TNIK: variants seen among roughly 807,000 people sequenced by gnomAD.
TNIK encodes TRAF2 and NCK interacting kinase.
A neutral mutation model predicts 191.3 loss-of-function variants in TNIK; 49 were observed. The observed-to-expected ratio is 0.26, with a 90% CI of 0.20 to 0.32. The LOEUF (loss-of-function observed/expected upper bound fraction) is 0.32. Ranked by LOEUF, TNIK falls within the 10% of genes least tolerant of loss-of-function variation. The pLI is 1.00. For missense variants in TNIK, 1,155 were observed against 1,702.3 expected (o/e 0.68, Z 5.66); for synonymous variants, 594 against 600.9 (o/e 0.99, Z 0.17).
chr3:171,307,322 C>T (rs1009580015), intron 2 of TNIK, among the ~76,000 whole-genome samples: 1 of 152,094 alleles, frequency 6.6e-6, no homozygotes, highest in Non-Finnish European at 1.5e-5. Flanking sequence ...CAGCCTCATC[C>T]ATGTCAACCA....
At chr3:171,110,908 C>T in intron 18 of TNIK, 31 bp from the exon 19 acceptor site, 1 of 1,535,324 alleles carries the variant, frequency 6.5e-7, no homozygotes. Context: ...ACTGGTTACA[C>T]TCTCCAGACC....
At chr3:171,095,244 A>C (rs773511561) in intron 22 of TNIK, among the ~76,000 whole-genome samples, 1 of 152,216 alleles carries the variant, frequency 6.6e-6, no homozygotes, top group African/African-American at 2.4e-5. Context: ...CAGGGCTCAA[A>C]AAGTGATGAC....
chr3:171,309,883 G>T (rs1404235152), intron 2 of TNIK, among the ~76,000 whole-genome samples: 13 of 152,030 alleles, frequency 8.6e-5, no homozygotes, highest in Non-Finnish European at 1.9e-4. Flanking sequence ...TCCTTTCTCT[G>T]GATTTTTGCT....
chr3:171,127,288 T>C (rs1384538805), intron 16 of TNIK, among the ~76,000 whole-genome samples: 3 of 152,162 alleles, frequency 2.0e-5, no homozygotes, highest in Non-Finnish European at 4.4e-5. Flanking sequence ...CCAGTTTAGC[T>C]GAATGTTAAG....
chr3:171,100,218 G>C (rs1723273198), intron 22 of TNIK, among the ~76,000 whole-genome samples: 1 of 152,184 alleles, frequency 6.6e-6, no homozygotes, highest in South Asian at 2.1e-4. Context: ...TTCTGGATTA[G>C]TGATTTTGCC....
At chr3:171,168,905 G>A (rs960596846) in intron 9 of TNIK, among the ~76,000 whole-genome samples, 8 of 152,166 alleles carry the variant, frequency 5.3e-5, no homozygotes, top group Non-Finnish European at 1.2e-4. Flanking sequence ...GCTGCAATAT[G>A]GCCACCTTCA....
chr3:171,353,433 T>C (rs950046783), intron 2 of TNIK, among the ~76,000 whole-genome samples: 5 of 152,190 alleles, frequency 3.3e-5, no homozygotes, highest in African/African-American at 9.7e-5. Flanking sequence ...TGCGGAAGCC[T>C]GCTACCGAGC....
At chr3:171,125,781 C>A in intron 17 of TNIK, 131 bp downstream of exon 17, 1 of 1,388,670 alleles carries the variant, frequency 7.2e-7, no homozygotes, top group South Asian at 1.4e-5. Context: ...GAAGAGGGAC[C>A]AAAACAAACA....
At chr3:171,146,994 C>A (rs1443159845) in intron 12 of TNIK, among the ~76,000 whole-genome samples, 1 of 151,662 alleles carries the variant, frequency 6.6e-6, no homozygotes, top group Non-Finnish European at 1.5e-5. Flanking sequence ...ATTAAGTAAT[C>A]TTGCAAATCT....
chr3:171,261,904 A>G (rs73171567), intron 2 of TNIK, among the ~76,000 whole-genome samples: 495 of 152,302 alleles, frequency 3.3e-3, no homozygotes, highest in Non-Finnish European at 5.7e-3. Flanking sequence ...GGGTAGAAAA[A>G]TCCTCTGTGA....
intron 7 of TNIK, among the ~76,000 whole-genome samples, chr3:171,181,833 C>T (rs747374083): frequency 5.3e-5 from 8 of 152,096 alleles, no homozygotes; most frequent in Non-Finnish European, 1.0e-4. Context: ...ACATAAGAAA[C>T]GTAAGTACAG....
At chr3:171,288,210 C>G (rs1317013677) in intron 2 of TNIK, among the ~76,000 whole-genome samples, 3 of 147,484 alleles carry the variant, frequency 2.0e-5, no homozygotes, top group Non-Finnish European at 4.5e-5. Context: ...GGAGATATAC[C>G]TAATGCTAGA....
intron 2 of TNIK, among the ~76,000 whole-genome samples, chr3:171,229,143 C>T (rs928288116): frequency 5.9e-5 from 9 of 152,226 alleles, no homozygotes; most frequent in Admixed American, 1.3e-4. Flanking sequence ...AATAATAATA[C>T]CTAATGCATA....
chr3:171,085,017 GT>G (rs776633302), intron 25 of TNIK, 100 bp downstream of exon 25: 26 of 856,894 alleles, frequency 3.0e-5, no homozygotes, highest in Non-Finnish European at 4.4e-5. Context: ...GACCTAAGCA[GT>G]AATCAGCTTA....
chr3:171,280,736 A>G (rs1750334711), intron 2 of TNIK, among the ~76,000 whole-genome samples: 1 of 152,150 alleles, frequency 6.6e-6, no homozygotes, highest in Non-Finnish European at 1.5e-5. Context: ...ACTTTAAAAG[A>G]CAATGTTGAT....
intron 10 of TNIK, among the ~76,000 whole-genome samples, chr3:171,164,833 A>C (rs1190072683): frequency 6.6e-6 from 1 of 152,232 alleles, no homozygotes; most frequent in Admixed American, 6.5e-5. Flanking sequence ...ATTTCTCTTC[A>C]TGCCTAGTTC....
At position 171,460,088 on chromosome 3, in the gene TNIK, G is replaced by T; in HGVS notation, c.-25C>A. The T allele has an allele frequency of 6.3e-7, 1 of 1,595,900 alleles. No individual in the cohort carries two copies. Among genetic ancestry groups the T allele is most frequent in the East Asian group, 2.3e-5 (1 of 44,190 alleles). On this transcript the variant is annotated 5_prime_UTR_variant, in exon 1 of 33. Transcript: ENST00000436636. This position sits in a 1 kb window ranked among gnomAD's most constrained non-coding sequence, Gnocchi z 6.8. ...TGTCTACTTCTTCGCTGGAGAAATG[G>T]ACCAAAACCACCCCGAAGCTTTTCC...
At chr3:171,305,071 AAAG>A (rs1373579523) in intron 2 of TNIK, among the ~76,000 whole-genome samples, 1 of 150,788 alleles carries the variant, frequency 6.6e-6, no homozygotes, top group East Asian at 1.9e-4. Context: ...AGGAAAAAGT[AAAG>A]AAAATGGGGC....
intron 2 of TNIK, among the ~76,000 whole-genome samples, chr3:171,323,367 C>T (rs1755382637): frequency 6.6e-6 from 1 of 152,126 alleles, no homozygotes; most frequent in Non-Finnish European, 1.5e-5. Context: ...GTATGCCCCT[C>T]CTAGACCTTC....
Sources: allele counts gnomAD v4.1 joint callset (sites outside exome capture counted in the v4.1 genomes callset), GRCh38; gene constraint gnomAD v4.1.1; non-coding constraint Gnocchi (gnomAD v3.1); transcripts MANE v1.5; gene names NCBI Gene and HGNC (gene_info 2026-07-23, HGNC 2026-07-21).